The following PPP2R2B variants were observed in gnomAD, a reference collection of about 807,000 sequenced individuals.
PPP2R2B encodes the protein serine/threonine-protein phosphatase 2A 55 kDa regulatory subunit B beta isoform.
PPP2R2B carries 5 observed loss-of-function variants against 46.0 expected under a neutral mutation model. That is an observed-to-expected ratio of 0.11 (90% CI 0.06 to 0.23). The LOEUF is 0.23. Ranked by LOEUF, PPP2R2B falls within the 10% of genes least tolerant of loss-of-function variation. The probability of loss-of-function intolerance (pLI) is 1.00; values close to 1 mark genes in which losing one functional copy is unlikely to be tolerated. For missense variants in PPP2R2B, 367 were observed against 575.0 expected, an observed-to-expected ratio of 0.64 and a Z score of 3.70; for synonymous variants, 215 against 206.7, an observed-to-expected ratio of 1.04 and a Z score of -0.34.
intron 1 of PPP2R2B, among the ~76,000 whole-genome samples, chr5:146,998,026 G>A (rs1754000094): frequency 6.6e-6 from 1 of 152,154 alleles, no homozygotes; most frequent in South Asian, 2.1e-4. Flanking sequence ...TCATATCTCT[G>A]CCTCCCACTC....
chr5:146,808,976 T>C (rs1251239462), intron 2 of PPP2R2B, among the ~76,000 whole-genome samples: 1 of 150,208 alleles, frequency 6.7e-6, no homozygotes, highest in Non-Finnish European at 1.5e-5. Flanking sequence ...TGTGTGTGTG[T>C]GTGTGTGTGT....
chr5:146,887,214 T>C (rs1762356717), intron 1 of PPP2R2B, among the ~76,000 whole-genome samples: 1 of 152,152 alleles, frequency 6.6e-6, no homozygotes, highest in Non-Finnish European at 1.5e-5. Context: ...TATCAAATCT[T>C]TGAAATCTGG....
At chr5:146,784,261 T>C (rs947177061) in intron 2 of PPP2R2B, among the ~76,000 whole-genome samples, 1 of 152,154 alleles carries the variant, frequency 6.6e-6, no homozygotes, top group South Asian at 2.1e-4. Flanking sequence ...AAAAATTTAG[T>C]CACAACTAAA....
intron 1 of PPP2R2B, among the ~76,000 whole-genome samples, chr5:147,015,279 A>G (rs1345409085): frequency 1.3e-5 from 2 of 151,574 alleles, no homozygotes; most frequent in African/African-American, 4.8e-5. Context: ...TAAAATTCTC[A>G]TTGAATTTAT....
intron 2 of PPP2R2B, among the ~76,000 whole-genome samples, chr5:146,752,872 A>C (rs1354375914): frequency 6.6e-6 from 1 of 152,218 alleles, no homozygotes; most frequent in Admixed American, 6.5e-5. Context: ...ACTCTGAAGG[A>C]AAGACACATG....
At position 146,584,702 on chromosome 5, in the gene PPP2R2B, G is replaced by T. The variant is rs181515744; in HGVS notation, c.*5245C>A. ...ATATTGGTTTCCTTTTATTCTTTCCGTCTACTTTACACTTAAATACAGTGC... is the reference window on the plus strand; with the variant it reads ...ATATTGGTTTCCTTTTATTCTTTCCTTCTACTTTACACTTAAATACAGTGC... On this transcript the variant is annotated 3_prime_UTR_variant, in exon 10 of 10. Transcript: ENST00000394411. 1 of 152,070 alleles carries T rather than the reference G, an allele frequency of 6.6e-6. No homozygotes were observed. Among genetic ancestry groups the T allele is most frequent in the African/African-American group, 2.4e-5 (1 of 41,400 alleles). 9.4% of individuals were successfully genotyped at this position (152,070 alleles called of 1,614,324 possible). A position where few individuals can be genotyped will look rare whatever the true frequency, so the allele number is the denominator to read the frequency against.
At chr5:146,707,545 G>A (rs1230452705) in intron 2 of PPP2R2B, 14 of 722,516 alleles carry the variant, frequency 1.9e-5, no homozygotes, top group Admixed American at 5.8e-5. Flanking sequence ...AGCTGCAGAA[G>A]GCCCGGGTGC....
intron 8 of PPP2R2B, 151 bp downstream of exon 8, chr5:146,600,140 T>A: frequency 1.3e-6 from 1 of 792,998 alleles, no homozygotes. Context: ...TCTTAAATCC[T>A]GTGGCACTTA....
intron 1 of PPP2R2B, among the ~76,000 whole-genome samples, chr5:146,985,102 C>A (rs1753364412): frequency 1.4e-5 from 2 of 144,340 alleles, no homozygotes; most frequent in Non-Finnish European, 3.0e-5. Context: ...CTCACTGCAA[C>A]CTATGCCTCC....
intron 1 of PPP2R2B, among the ~76,000 whole-genome samples, chr5:146,924,977 A>G (rs1763733348): frequency 6.6e-6 from 1 of 152,208 alleles, no homozygotes; most frequent in South Asian, 2.1e-4. Flanking sequence ...ATGCGTTTTA[A>G]TGTATCATGA....
intron 2 of PPP2R2B, among the ~76,000 whole-genome samples, chr5:146,790,338 G>T (rs1203959225): frequency 6.6e-6 from 1 of 152,128 alleles, no homozygotes; most frequent in African/African-American, 2.4e-5. Flanking sequence ...CCAAAATTAA[G>T]AGAACAGGAA....
At chr5:146,621,210 G>A (rs528086037) in intron 7 of PPP2R2B, among the ~76,000 whole-genome samples, 8 of 152,358 alleles carry the variant, frequency 5.3e-5, no homozygotes, top group African/African-American at 1.9e-4. Context: ...GGAAAACACT[G>A]CTCCTAATCC....
chr5:146,705,710 TG>T (rs1779794678), intron 2 of PPP2R2B, among the ~76,000 whole-genome samples: 1 of 152,098 alleles, frequency 6.6e-6, no homozygotes, highest in South Asian at 2.1e-4. Flanking sequence ...ACTGAAATAG[TG>T]CATTTGAGCA....
rs1770343282 is a variant in PPP2R2B, at chr5:146,589,178, T to TAACA, written c.*765_*768dup. 6.6e-6 allele frequency: 1 copy of TAACA among 151,932 alleles called. No individual in the cohort carries two copies. Among genetic ancestry groups the TAACA allele is most frequent in the South Asian group, 2.1e-4 (1 of 4,798 alleles). 9.4% of individuals were successfully genotyped at this position (151,932 alleles called of 1,614,324 possible). On this transcript the variant is annotated 3_prime_UTR_variant, in exon 10 of 10. Coordinates refer to ENST00000394411, the MANE Select transcript of PPP2R2B (RefSeq NM_181675.4). ...CATTTAAGAGCACAAAAAGCAAGAG[T>TAACA]AACAAGGCAGCAGATGGAATTTGGC...
In PPP2R2B at chr5:146,859,654, A is replaced by AC. The variant is rs546129364; in HGVS notation, c.70+18347dup. Among the ~76,000 whole-genome samples, 91 of 152,240 alleles carry AC rather than the reference A, an allele frequency of 6.0e-4. 1 individual carries two copies. The highest frequency in any genetic ancestry group is 1.8e-3 in the African/African-American group (75 of 41,536). ...AGTCAAGAGCCAGTAAGCGTGGCAA[A>AC]CCCCCCAGATAAGTTCATGTTGGTA... On this transcript the variant is annotated intron_variant, in intron 2 of 9. Transcript: ENST00000394411.
intron 1 of PPP2R2B, among the ~76,000 whole-genome samples, chr5:146,896,799 A>G (rs1206296254): frequency 1.3e-5 from 2 of 152,138 alleles, no homozygotes; most frequent in African/African-American, 4.8e-5. Context: ...GGTTGTCAAT[A>G]CATGAAAGCA....
At chr5:146,835,133 T>A (rs537029340) in intron 2 of PPP2R2B, among the ~76,000 whole-genome samples, 1 of 152,314 alleles carries the variant, frequency 6.6e-6, no homozygotes, top group South Asian at 2.1e-4. Flanking sequence ...GAAATCATAA[T>A]GAAAAATAAT....
chr5:146,964,619 A>T (rs1336235726), intron 1 of PPP2R2B, among the ~76,000 whole-genome samples: 1 of 151,988 alleles, frequency 6.6e-6, no homozygotes, highest in African/African-American at 2.4e-5. Context: ...TTTGCCTCCC[A>T]GGTTCATGCC....
chr5:147,027,912 T>C (rs1755606450), intron 1 of PPP2R2B, among the ~76,000 whole-genome samples: 1 of 152,202 alleles, frequency 6.6e-6, no homozygotes, highest in African/African-American at 2.4e-5. Flanking sequence ...CGATGAGAGA[T>C]AAGAGAAGTC....
Sources: allele counts gnomAD v4.1 joint callset (sites outside exome capture counted in the v4.1 genomes callset), GRCh38; gene constraint gnomAD v4.1.1; transcripts MANE v1.5; gene names NCBI Gene and HGNC (gene_info 2026-07-23, HGNC 2026-07-21).